ATG10: variants seen among roughly 807,000 people sequenced by gnomAD.
The protein encoded by ATG10 is ubiquitin-like-conjugating enzyme ATG10.
A neutral mutation model predicts 32.1 loss-of-function variants in ATG10; 30 were observed. The ratio of observed to expected loss-of-function variants is 0.94; its 90% CI spans 0.70 to 1.27. The LOEUF (loss-of-function observed/expected upper bound fraction) is 1.27. Among genes scored for constraint, ATG10 ranks in the 50% most tolerant of loss-of-function variants. The pLI is 0.00. For missense variants in ATG10, 233 were observed against 262.3 expected (o/e 0.89, Z 0.77); for synonymous variants, 87 against 91.5 (o/e 0.95, Z 0.28).
chr5:82,098,864 A>G (rs923988111), intron 3 of ATG10, among the ~76,000 whole-genome samples: 4 of 152,206 alleles, frequency 2.6e-5, no homozygotes, highest in African/African-American at 7.2e-5. Context: ...TCTTTGTCCA[A>G]CTCACCCACA....
At chr5:82,024,042 A>G (rs555097310) in intron 2 of ATG10, among the ~76,000 whole-genome samples, 1 of 152,364 alleles carries the variant, frequency 6.6e-6, no homozygotes, top group African/African-American at 2.4e-5. Flanking sequence ...AGGGGTTTTA[A>G]CTAACCTAAA....
rs541253302 is a variant in ATG10, at chr5:82,162,713, T to C, written c.217-1686T>C. Among the ~76,000 whole-genome samples, 11 of 151,674 alleles carry C rather than the reference T, an allele frequency of 7.3e-5. 1 individual carries two copies. In the South Asian group the frequency reaches 2.1e-3, roughly 29 times the overall value. On this transcript the variant is annotated intron_variant, in intron 3 of 7. Coordinates refer to ENST00000282185, the MANE Select transcript of ATG10 (RefSeq NM_031482.5). ...TATGGTGTGGTCATGCAGTGAAATA[T>C]AGAGAAGGCATTAAAAGGCACTAAA...
intron 2 of ATG10, among the ~76,000 whole-genome samples, chr5:82,040,890 C>T (rs1465108818): frequency 1.3e-5 from 2 of 152,186 alleles, no homozygotes; most frequent in African/African-American, 4.8e-5. Flanking sequence ...GTACACCAAA[C>T]TCATTCCTGC....
chr5:82,242,966 T>TA (rs1341563820), intron 5 of ATG10: 1 of 340,980 alleles, frequency 2.9e-6, no homozygotes, highest in African/African-American at 2.2e-5. Context: ...TTTCTGGGGT[T>TA]AAAAAATAGA....
At chr5:82,141,592 A>G (rs1767142552) in intron 3 of ATG10, among the ~76,000 whole-genome samples, 1 of 152,204 alleles carries the variant, frequency 6.6e-6, no homozygotes. Context: ...GAGATGAAAA[A>G]AATAAGCTAA....
intron 2 of ATG10, chr5:81,991,971 T>C (rs1399996224): frequency 6.6e-6 from 1 of 151,796 alleles, no homozygotes; most frequent in African/African-American, 2.4e-5. Context: ...GGACCACAAA[T>C]GTGCATCACC....
intron 3 of ATG10, among the ~76,000 whole-genome samples, chr5:82,141,650 TAAAAA>T (rs377307726): frequency 6.0e-5 from 9 of 149,960 alleles, no homozygotes; most frequent in African/African-American, 2.2e-4. Context: ...TTACTTTAGA[TAAAAA>T]AAAAAGGAAA....
intron 2 of ATG10, among the ~76,000 whole-genome samples, chr5:82,039,807 A>C (rs1295198763): frequency 6.6e-6 from 1 of 152,212 alleles, no homozygotes; most frequent in Non-Finnish European, 1.5e-5. Context: ...TAAATTAGTT[A>C]TATCTCATGA....
intron 2 of ATG10, among the ~76,000 whole-genome samples, chr5:82,022,712 T>A (rs930649606): frequency 2.6e-5 from 4 of 151,794 alleles, no homozygotes; most frequent in African/African-American, 9.7e-5. Context: ...TCTCATTTAA[T>A]TTAACCCCAC....
intron 2 of ATG10, among the ~76,000 whole-genome samples, chr5:82,048,400 G>A (rs902043384): frequency 6.6e-6 from 1 of 150,982 alleles, no homozygotes; most frequent in African/African-American, 2.4e-5. Flanking sequence ...TCCTTGAGCA[G>A]TGGTTTGTAG....
At chr5:82,194,561 A>C (rs1382977284) in intron 5 of ATG10, among the ~76,000 whole-genome samples, 1 of 152,156 alleles carries the variant, frequency 6.6e-6, no homozygotes, top group African/African-American at 2.4e-5. Flanking sequence ...CAGAAAAAAA[A>C]AGTCTTTTGA....
At chr5:81,991,662 G>A (rs1173306430) in intron 2 of ATG10, among the ~76,000 whole-genome samples, 1 of 152,062 alleles carries the variant, frequency 6.6e-6, no homozygotes, top group Non-Finnish European at 1.5e-5. Context: ...GAGTGTGGTG[G>A]TGCATGCCTA....
chr5:82,098,558 C>T (rs186524765), intron 3 of ATG10, among the ~76,000 whole-genome samples: 304 of 152,252 alleles, frequency 2.0e-3, no homozygotes, highest in African/African-American at 6.7e-3. Flanking sequence ...ATTCACCCGC[C>T]TCGGGCCTCC....
chr5:81,993,825 A>T (rs1761580143), intron 2 of ATG10, among the ~76,000 whole-genome samples: 1 of 152,162 alleles, frequency 6.6e-6, no homozygotes, highest in Non-Finnish European at 1.5e-5. Flanking sequence ...CTATAAATGA[A>T]GTTGTAGTTT....
intron 3 of ATG10, among the ~76,000 whole-genome samples, chr5:82,109,441 T>C (rs1405224148): frequency 6.6e-6 from 1 of 151,968 alleles, no homozygotes; most frequent in Admixed American, 6.6e-5. Context: ...AACTCACACC[T>C]TGGGCTGAAA....
intron 5 of ATG10, among the ~76,000 whole-genome samples, chr5:82,214,737 T>C (rs7719476): frequency 0.014 from 2,188 of 152,118 alleles, 38 homozygotes; most frequent in African/African-American, 0.049. Context: ...TCTCTCAAGG[T>C]GGAGGGACTC....
At chr5:82,009,746 A>G in intron 2 of ATG10, 1 of 1,603,254 alleles carries the variant, frequency 6.2e-7, no homozygotes, top group Non-Finnish European at 8.5e-7. Flanking sequence ...CAGTCTTGGC[A>G]GTGCAGATGA....
intron 4 of ATG10, among the ~76,000 whole-genome samples, chr5:82,166,353 T>C (rs1561335857): frequency 6.6e-6 from 1 of 152,186 alleles, no homozygotes; most frequent in Non-Finnish European, 1.5e-5. Flanking sequence ...CTGCTTTGTG[T>C]TGTGTAGAGT....
chr5:82,043,165 A>G (rs1000737062), intron 2 of ATG10, among the ~76,000 whole-genome samples: 2 of 152,180 alleles, frequency 1.3e-5, no homozygotes, highest in African/African-American at 2.4e-5. Context: ...CCAAACCTCA[A>G]TTCTTGCCTT....
Sources: gnomAD v4.1 joint callset for allele counts (sites outside exome capture counted in the v4.1 genomes callset) on GRCh38, gnomAD v4.1.1 for gene constraint, MANE v1.5 for transcripts, NCBI Gene and HGNC (gene_info 2026-07-23, HGNC 2026-07-21) for gene names.